Variants in THOC2 observed in about 807,000 individuals in gnomAD.
THOC2 encodes the protein THO complex 2.
THOC2 carries 10 observed loss-of-function variants against 128.4 expected under a neutral mutation model. The ratio of observed to expected loss-of-function variants is 0.08; its 90% CI spans 0.05 to 0.13. THOC2 has a LOEUF of 0.13. Ranked by LOEUF, THOC2 falls within the 10% of genes least tolerant of loss-of-function variation. The probability of loss-of-function intolerance (pLI) is 1.00; values close to 1 mark genes in which losing one functional copy is unlikely to be tolerated. For synonymous variants in THOC2, 393 were observed against 396.9 expected, an observed-to-expected ratio of 0.99 and a Z score of 0.12; for missense variants, 535 against 1,155.7, an observed-to-expected ratio of 0.46 and a Z score of 7.79.
chrX:123,671,717 T>C lies in THOC2; in HGVS notation c.813A>G (p.Ala271=), dbSNP rs1055829. Residue 271 remains alanine (A), a synonymous_variant, in exon 9 of 39, where the codon GCA becomes GCG. Coordinates refer to ENST00000245838, the MANE Select transcript of THOC2 (RefSeq NM_001081550.2). ...ETPSSLYRVA[A]VLLQFNLIDL... ...CAATAAGATTAAATTGTAGAAGTAC[T>C]GCTGCAACTCTGTATAAAGATGATG... The C allele has an allele frequency of 2.2e-4, 261 of 1,186,014 alleles. No homozygotes were observed. In the African/African-American group the frequency reaches 4.3e-3, roughly 19 times the overall value.
Position 123,668,015 on chromosome X carries a change from C to A in THOC2, c.1017+144G>T, listed in dbSNP as rs1174374316. ...GAGCCATTCAGATTAAAAATAAAAC[C>A]ACTGTAGCAAATGATCCAGAAAATG... On this transcript the variant is annotated intron_variant, in intron 10 of 38. Coordinates refer to ENST00000245838, the MANE Select transcript of THOC2 (RefSeq NM_001081550.2). The A allele has an allele frequency of 7.4e-5, 30 of 404,167 alleles. No individual in the cohort carries two copies. The East Asian group carries it at 1.1e-3, about 15-fold the overall frequency. 33.3% of individuals were successfully genotyped at this position (404,167 alleles called of 1,213,427 possible).
intron 13 of THOC2, 118 bp from the exon 14 acceptor site, chrX:123,645,027 C>A: frequency 1.7e-6 from 1 of 583,750 alleles, no homozygotes. Flanking sequence ...CACAATATCC[C>A]ATTCCTCACC....
At chrX:123,705,558 T>G (rs1388432230) in intron 3 of THOC2, among the ~76,000 whole-genome samples, 2 of 111,051 alleles carry the variant, frequency 1.8e-5, no homozygotes, top group Non-Finnish European at 3.8e-5. Context: ...AAAAAAGGAA[T>G]TTGACTACTC....
chrX:123,642,192 A>G (rs926959758), intron 15 of THOC2, among the ~76,000 whole-genome samples: 2 of 111,748 alleles, frequency 1.8e-5, no homozygotes, highest in East Asian at 2.8e-4. Context: ...TTGGGAGGCC[A>G]AGGCGGGTGA....
At position 123,639,039 on chromosome X, in the gene THOC2, CAACA is replaced by C. The variant is rs2047801616; in HGVS notation, c.1747-16_1747-13del. 1 of 1,022,713 alleles carries C rather than the reference CAACA, an allele frequency of 9.8e-7. No individual in the cohort carries two copies. Among genetic ancestry groups the C allele is most frequent in the African/African-American group, 1.9e-5 (1 of 54,023 alleles). The allele number at this position is 1,022,713 out of a possible 1,213,427, so 84.3% of individuals were successfully genotyped here. A position where few individuals can be genotyped will look rare whatever the true frequency, so the allele number is the denominator to read the frequency against. ...ATTTGTGACAAGATCTGGAAAACAG[CAACA>C]AACAATAGAAGGCATTAACTGATCA... On this transcript the variant is annotated splice_polypyrimidine_tract_variant and intron_variant, in intron 16 of 38. Transcript: ENST00000245838.
At chrX:123,682,263 A>G (rs544492762) in intron 8 of THOC2, among the ~76,000 whole-genome samples, 8 of 112,383 alleles carry the variant, frequency 7.1e-5, no homozygotes, top group South Asian at 3.7e-4. Flanking sequence ...CAATAAAATG[A>G]GAGAGAAACA....
chrX:123,613,995 A>C, intron 34 of THOC2, 57 bp downstream of exon 34: 1 of 1,075,657 alleles, frequency 9.3e-7, no homozygotes, highest in Non-Finnish European at 1.2e-6. Flanking sequence ...GGCAACATAC[A>C]CACTGGTGTA....
At chrX:123,724,630 A>C (rs1189117092) in intron 1 of THOC2, among the ~76,000 whole-genome samples, 1 of 111,846 alleles carries the variant, frequency 8.9e-6, no homozygotes, top group Non-Finnish European at 1.9e-5. Context: ...GGTTGCAGTG[A>C]GCCAAGACTG....
chrX:123,624,924 T>A (rs755925642), intron 25 of THOC2, among the ~76,000 whole-genome samples: 8 of 110,707 alleles, frequency 7.2e-5, no homozygotes, highest in Non-Finnish European at 1.1e-4. Flanking sequence ...GAAAAAAAAA[T>A]TTATCATTAT....
At chrX:123,723,697 G>A (rs910072502) in intron 1 of THOC2, among the ~76,000 whole-genome samples, 11 of 111,536 alleles carry the variant, frequency 9.9e-5, no homozygotes, top group African/African-American at 3.6e-4. Context: ...GCCAGAAACA[G>A]TAGGATAAAT....
intron 17 of THOC2, among the ~76,000 whole-genome samples, chrX:123,638,422 G>A (rs180898630): frequency 9.0e-6 from 1 of 111,552 alleles, no homozygotes; most frequent in Non-Finnish European, 1.9e-5. Flanking sequence ...ACTTTGGGAG[G>A]CCAAGGTGGG....
Position 123,650,804 on chromosome X carries a change from A to G in THOC2, c.1387-5429T>C, listed in dbSNP as rs868243239. ...CCAATACAGGAGCATCCAGATTCAT[A>G]AAGCAAGTTCTTAGAGACCTACAAA... On this transcript the variant is annotated intron_variant, in intron 12 of 38. Transcript: ENST00000245838. Among the ~76,000 whole-genome samples the G allele has an allele frequency of 2.4e-4, 27 of 112,266 alleles. No individual in the cohort carries two copies. The South Asian group carries it at 3.4e-3, about 14-fold the overall frequency.
At chrX:123,689,832 C>T (rs2050145638) in intron 7 of THOC2, among the ~76,000 whole-genome samples, 1 of 111,628 alleles carries the variant, frequency 9.0e-6, no homozygotes, top group Non-Finnish European at 1.9e-5. Flanking sequence ...TCCCTAATGG[C>T]AGCTGTAGTA....
intron 7 of THOC2, among the ~76,000 whole-genome samples, chrX:123,690,522 A>C (rs182021473): frequency 1.8e-5 from 2 of 111,342 alleles, no homozygotes; most frequent in African/African-American, 6.6e-5. Flanking sequence ...AGATAGAAAA[A>C]ATAACCAGTT....
At chrX:123,654,227 G>A (rs1326152592) in intron 12 of THOC2, among the ~76,000 whole-genome samples, 1 of 109,543 alleles carries the variant, frequency 9.1e-6, no homozygotes, top group Non-Finnish European at 1.9e-5. Context: ...GACACAGGGA[G>A]GGGAACATCA....
At chrX:123,680,773 T>C (rs1015570854) in intron 8 of THOC2, among the ~76,000 whole-genome samples, 5 of 111,864 alleles carry the variant, frequency 4.5e-5, no homozygotes, top group Non-Finnish European at 7.5e-5. Context: ...GACAACACTA[T>C]CTTTTTAACT....
intron 4 of THOC2, among the ~76,000 whole-genome samples, chrX:123,702,157 G>A (rs998313291): frequency 4.5e-5 from 5 of 111,400 alleles, no homozygotes; most frequent in African/African-American, 1.3e-4. Context: ...AATATTGGCC[G>A]GGTGCGGTGG....
rs779924809 is a variant in THOC2 at position 123,710,942 on chromosome X, A to G, written c.130+1908T>C. On this transcript the variant is annotated intron_variant, in intron 2 of 38. Transcript: ENST00000245838. ...GAGACAGAGGTTGCTGTGAGCCAAG[A>G]TCGCGCCATTGCACTCCAGCCTGGG... Among the ~76,000 whole-genome samples, 7 of 101,547 alleles carry G rather than the reference A, an allele frequency of 6.9e-5. No individual in the cohort carries two copies. In the East Asian group the frequency reaches 2.4e-3, roughly 34 times the overall value. The allele number at this position is 101,547 out of a possible 115,157, so 88.2% of individuals were successfully genotyped here. A position where few individuals can be genotyped will look rare whatever the true frequency, so the allele number is the denominator to read the frequency against.
chrX:123,682,722 A>G (rs2049836494), intron 8 of THOC2, among the ~76,000 whole-genome samples: 1 of 112,078 alleles, frequency 8.9e-6, no homozygotes, highest in Non-Finnish European at 1.9e-5. Flanking sequence ...CAAAAAAGTA[A>G]GAATTTCTGT....
Sources: allele counts gnomAD v4.1 joint callset (sites outside exome capture counted in the v4.1 genomes callset), GRCh38; gene constraint gnomAD v4.1.1; transcripts MANE v1.5; gene names NCBI Gene and HGNC (gene_info 2026-07-23, HGNC 2026-07-21).